PPP2R2C: variants seen among roughly 807,000 people sequenced by gnomAD.
The protein encoded by PPP2R2C is protein phosphatase 2 regulatory subunit Bgamma.
Under a neutral mutation model 45.3 loss-of-function variants are expected in PPP2R2C, and 10 were observed. The observed-to-expected ratio is 0.22, with a 90% CI of 0.14 to 0.37. PPP2R2C has a LOEUF of 0.37. Ranked by LOEUF, PPP2R2C falls within the 10% of genes least tolerant of loss-of-function variation. The probability of loss-of-function intolerance (pLI) is 1.00; values close to 1 mark genes in which losing one functional copy is unlikely to be tolerated. For synonymous variants in PPP2R2C, 257 were observed against 245.4 expected (o/e 1.05, Z -0.44); for missense variants, 308 against 619.7 (o/e 0.50, Z 5.34).
chr4:6,390,082 G>T (rs113223715), intron 1 of PPP2R2C, among the ~76,000 whole-genome samples: 13 of 152,252 alleles, frequency 8.5e-5, no homozygotes, highest in African/African-American at 2.6e-4. Flanking sequence ...ACAGCAAAAG[G>T]GTCTGGAGTT....
chr4:6,449,487 G>A (rs978197611), intron 1 of PPP2R2C, among the ~76,000 whole-genome samples: 2 of 152,228 alleles, frequency 1.3e-5, no homozygotes, highest in African/African-American at 4.8e-5. Flanking sequence ...GGAGAGGAGT[G>A]AAAACACAGA....
intron 8 of PPP2R2C, among the ~76,000 whole-genome samples, chr4:6,325,989 G>A (rs1391512612): frequency 6.6e-6 from 1 of 152,226 alleles, no homozygotes; most frequent in Non-Finnish European, 1.5e-5. Flanking sequence ...GCAGCGAGCC[G>A]AGATGGCGCC....
intron 1 of PPP2R2C, among the ~76,000 whole-genome samples, chr4:6,445,877 G>A (rs888794336): frequency 6.6e-6 from 1 of 152,212 alleles, no homozygotes; most frequent in Non-Finnish European, 1.5e-5. Context: ...TGCCCACAGT[G>A]TCGCAGAACA....
chr4:6,355,948 C>G (rs552308958), intron 5 of PPP2R2C, among the ~76,000 whole-genome samples: 1 of 137,096 alleles, frequency 7.3e-6, no homozygotes, highest in Admixed American at 8.3e-5. Flanking sequence ...GAGCTGAGAT[C>G]GTGCCACGTA....
rs147218496 is a variant in PPP2R2C, at chr4:6,539,940, GCCA to G, written c.-58-4566_-58-4564del. Reference sequence around the variant, plus strand: ...ATTCCACTAGAGAAGGCAGAAACTGGCCACGTGGCCACCTGCCCCAGGCCCGTG... The same window carrying G: ...ATTCCACTAGAGAAGGCAGAAACTGGCGTGGCCACCTGCCCCAGGCCCGTG... On this transcript the variant is annotated intron_variant, in intron 1 of 9. Transcript: ENST00000506140. Among the ~76,000 whole-genome samples the G allele has an allele frequency of 2.1e-4, 32 of 152,208 alleles. No homozygotes were observed. The East Asian group carries it at 4.5e-3, about 21-fold the overall frequency.
chr4:6,328,727 G>A lies in PPP2R2C; in HGVS notation c.1052+535C>T, dbSNP rs7665893. Among the ~76,000 whole-genome samples the A allele has an allele frequency of 2.7e-3, 416 of 152,324 alleles. 1 individual carries two copies. Among genetic ancestry groups the A allele is most frequent in the African/African-American group, 7.7e-3 (318 of 41,568 alleles). On this transcript the variant is annotated intron_variant, in intron 8 of 8. Transcript: ENST00000382599. The surrounding 1 kb of genome is among the most constrained non-coding windows in gnomAD (Gnocchi z 4.4). ...GGGGTTGAGAGACGGCTGGACTTGT[G>A]GATTGTGACAAGCCCTGGAGGGTGT...
chr4:6,323,026 A>G lies in PPP2R2C; in HGVS notation c.*276T>C. ...GTGAATGAAAGAACCCTGAACTGTA[A>G]GACTCCACAGTCATGTCCATTTTAT... is the stretch of plus-strand genomic sequence containing the variant. On this transcript the variant is annotated 3_prime_UTR_variant, in exon 9 of 9. Coordinates refer to ENST00000382599, the MANE Select transcript of PPP2R2C (RefSeq NM_020416.4). 1 of 350,808 alleles carries G rather than the reference A, an allele frequency of 2.9e-6. No individual in the cohort carries two copies. Among genetic ancestry groups the G allele is most frequent in the Non-Finnish European group, 5.1e-6 (1 of 194,630 alleles). 21.7% of individuals were successfully genotyped at this position (350,808 alleles called of 1,614,324 possible). A position where few individuals can be genotyped will look rare whatever the true frequency, so the allele number is the denominator to read the frequency against.
At chr4:6,427,898 C>T (rs1719413824) in intron 1 of PPP2R2C, among the ~76,000 whole-genome samples, 2 of 152,162 alleles carry the variant, frequency 1.3e-5, no homozygotes, top group Non-Finnish European at 2.9e-5. Flanking sequence ...GAAAGAGGCT[C>T]CCCCTCCTGG....
intron 5 of PPP2R2C, among the ~76,000 whole-genome samples, chr4:6,371,070 A>G (rs1015301769): frequency 2.0e-5 from 3 of 152,206 alleles, no homozygotes; most frequent in African/African-American, 7.2e-5. Flanking sequence ...CACATCACAC[A>G]TAGGGGCTCA....
intron 1 of PPP2R2C, among the ~76,000 whole-genome samples, chr4:6,444,363 C>T (rs1720310772): frequency 6.6e-6 from 1 of 150,924 alleles, no homozygotes; most frequent in African/African-American, 2.4e-5. Context: ...TTTTCATACC[C>T]ATTTTCTTAT....
At position 6,472,571 on chromosome 4, in the gene PPP2R2C, C is replaced by A. The variant is rs1158213416; in HGVS notation, c.-342G>T. On this transcript the variant is annotated 5_prime_UTR_variant, in exon 1 of 9. Transcript: ENST00000382599. ...GCGGCGACGGCGGCGAGGGGACGCGCGCGGCGCTGCGCTGCGCCGACCAAG... is the reference window on the plus strand; with the variant it reads ...GCGGCGACGGCGGCGAGGGGACGCGAGCGGCGCTGCGCTGCGCCGACCAAG... The A allele has an allele frequency of 6.8e-6, 1 of 146,358 alleles. No homozygotes were observed. Among genetic ancestry groups the A allele is most frequent in the South Asian group, 2.1e-4 (1 of 4,816 alleles). 9.1% of individuals were successfully genotyped at this position (146,358 alleles called of 1,614,324 possible). A position where few individuals can be genotyped will look rare whatever the true frequency, so the allele number is the denominator to read the frequency against.
chr4:6,440,063 C>T (rs987020778), intron 1 of PPP2R2C, among the ~76,000 whole-genome samples: 2 of 152,208 alleles, frequency 1.3e-5, no homozygotes, highest in Admixed American at 1.3e-4. Context: ...ACATACAGGT[C>T]TCACAGGCTG....
intron 1 of PPP2R2C, among the ~76,000 whole-genome samples, chr4:6,414,703 T>C (rs1319378765): frequency 6.6e-6 from 1 of 151,942 alleles, no homozygotes; most frequent in African/African-American, 2.4e-5. Flanking sequence ...GCTCCTAATG[T>C]ATCCACGAGG....
chr4:6,372,028 A>C (rs916872926), intron 5 of PPP2R2C, among the ~76,000 whole-genome samples: 2 of 152,160 alleles, frequency 1.3e-5, no homozygotes, highest in Non-Finnish European at 2.9e-5. Flanking sequence ...GAGAACACCG[A>C]GCAGGGGGCC....
At chr4:6,424,816 G>A (rs1460808092) in intron 1 of PPP2R2C, among the ~76,000 whole-genome samples, 1 of 152,186 alleles carries the variant, frequency 6.6e-6, no homozygotes, top group Non-Finnish European at 1.5e-5. Context: ...TCACCTCACT[G>A]CTCAGAGTCT....
chr4:6,465,181 G>GA (rs75238697), intron 1 of PPP2R2C, among the ~76,000 whole-genome samples: 1,761 of 151,480 alleles, frequency 0.012, 32 homozygotes, highest in African/African-American at 0.04. Flanking sequence ...AAACCTGTAG[G>GA]AAAAAAAAGA....
chr4:6,545,725 G>T (rs1218962533), intron 1 of PPP2R2C, among the ~76,000 whole-genome samples: 1 of 152,182 alleles, frequency 6.6e-6, no homozygotes. Context: ...TGTTAGCTGG[G>T]GCACCTCGGG....
At chr4:6,534,696 G>A (rs767577000) in intron 2 of PPP2R2C, among the ~76,000 whole-genome samples, 8 of 151,886 alleles carry the variant, frequency 5.3e-5, no homozygotes, top group Non-Finnish European at 1.0e-4. Flanking sequence ...CGCACGGCCC[G>A]CACACTCCCT....
chr4:6,491,552 G>T (rs1232742393), intron 2 of PPP2R2C, among the ~76,000 whole-genome samples: 3 of 152,236 alleles, frequency 2.0e-5, no homozygotes, highest in African/African-American at 7.2e-5. Flanking sequence ...GGTCTCTGGA[G>T]GGGGCCAGGC....
Sources: gnomAD v4.1 joint callset for allele counts (sites outside exome capture counted in the v4.1 genomes callset) on GRCh38, gnomAD v4.1.1 for gene constraint, Gnocchi (gnomAD v3.1) non-coding constraint, MANE v1.5 for transcripts, NCBI Gene and HGNC (gene_info 2026-07-23, HGNC 2026-07-21) for gene names.